Variants in SPTBN1 observed in about 807,000 individuals in gnomAD.
The protein encoded by SPTBN1 is spectrin beta chain, non-erythrocytic 1.
A neutral mutation model predicts 266.4 loss-of-function variants in SPTBN1; 32 were observed. The ratio of observed to expected loss-of-function variants is 0.12; its 90% CI spans 0.09 to 0.16. SPTBN1 has a LOEUF of 0.16. SPTBN1 is among the 10% of genes least tolerant of loss of function. SPTBN1 has a pLI of 1.00. For synonymous variants in SPTBN1, 1,336 were observed against 1,162.2 expected, an observed-to-expected ratio of 1.15 and a Z score of -3.04; for missense variants, 2,296 against 3,067.1, an observed-to-expected ratio of 0.75 and a Z score of 5.94.
intron 1 of SPTBN1, among the ~76,000 whole-genome samples, chr2:54,515,321 G>A (rs2104247882): frequency 6.6e-6 from 1 of 152,206 alleles, no homozygotes; most frequent in East Asian, 1.9e-4. Flanking sequence ...CAAAACTCTG[G>A]TCTGCTGCAC....
At chr2:54,492,129 T>C (rs904824506) in intron 1 of SPTBN1, among the ~76,000 whole-genome samples, 6 of 152,222 alleles carry the variant, frequency 3.9e-5, no homozygotes, top group Non-Finnish European at 7.3e-5. Context: ...AGAATATTCC[T>C]GTAATCCTAG....
intron 2 of SPTBN1, among the ~76,000 whole-genome samples, chr2:54,560,317 A>G (rs79154493): frequency 0.031 from 4,690 of 151,974 alleles, 175 homozygotes; most frequent in African/African-American, 0.082. Context: ...CCTGGGGGAA[A>G]GCACCCACCG....
At chr2:54,574,662 G>T (rs2104538884) in intron 2 of SPTBN1, among the ~76,000 whole-genome samples, 1 of 152,292 alleles carries the variant, frequency 6.6e-6, no homozygotes, top group African/African-American at 2.4e-5. Context: ...TCATGCTCAT[G>T]TCAGGCACGT....
chr2:54,668,397 C>G lies in SPTBN1; in HGVS notation c.6923C>G (p.Ser2308Cys). Residue 2308 changes from serine (S) to cysteine (C), a missense_variant, in exon 36 of 36, where the codon TCT becomes TGT. Physicochemically the swap from Ser to Cys is moderately radical, Grantham distance 112. Around this residue, in one of 12 missense-constraint regions of SPTBN1, gnomAD observed 347 missense variants for 368.5 expected, o/e 0.94. Coordinates refer to ENST00000356805, the MANE Select transcript of SPTBN1 (RefSeq NM_003128.3). ...CAGGCTATCTCTTCCGCCATCTCCT[C>G]TGATAAACACGAGGTGTCTGCCAGC... ...WIQAISSAISSDKHEVSASTQ... is the reference protein window; with the variant it reads ...WIQAISSAISCDKHEVSASTQ... 2 of 1,614,180 alleles carry G rather than the reference C, an allele frequency of 1.2e-6. No homozygotes were observed. The highest frequency in any genetic ancestry group is 1.7e-6 in the Non-Finnish European group (2 of 1,180,030).
intron 2 of SPTBN1, among the ~76,000 whole-genome samples, chr2:54,585,364 C>T (rs1168424496): frequency 6.6e-6 from 1 of 152,188 alleles, no homozygotes; most frequent in Non-Finnish European, 1.5e-5. Flanking sequence ...GCTACCCTGC[C>T]TGTTGGCTAG....
intron 2 of SPTBN1, among the ~76,000 whole-genome samples, chr2:54,580,665 A>G (rs1210230267): frequency 6.6e-6 from 1 of 152,092 alleles, no homozygotes; most frequent in East Asian, 1.9e-4. Context: ...TGGGAAACTT[A>G]CTGCTGGTAA....
At chr2:54,463,863 A>G (rs921226511) in intron 1 of SPTBN1, among the ~76,000 whole-genome samples, 16 of 152,204 alleles carry the variant, frequency 1.1e-4, no homozygotes, top group African/African-American at 3.4e-4. Flanking sequence ...TGATTTATAT[A>G]TATGTATTTT....
chr2:54,520,056 G>T (rs1319366794), intron 1 of SPTBN1, among the ~76,000 whole-genome samples: 1 of 152,196 alleles, frequency 6.6e-6, no homozygotes, highest in Non-Finnish European at 1.5e-5. Flanking sequence ...GCAGCTGTCA[G>T]CACCGGGTAA....
intron 2 of SPTBN1, among the ~76,000 whole-genome samples, chr2:54,549,786 T>G (rs1365761292): frequency 1.3e-5 from 2 of 151,840 alleles, no homozygotes; most frequent in Non-Finnish European, 2.9e-5. Flanking sequence ...ATGAATGGAC[T>G]TGGGACTAAA....
intron 2 of SPTBN1, among the ~76,000 whole-genome samples, chr2:54,588,103 C>A (rs6706263): frequency 6.6e-6 from 1 of 151,908 alleles, no homozygotes; most frequent in Non-Finnish European, 1.5e-5. Flanking sequence ...CCAGGACATG[C>A]CAAACTTTTT....
intron 1 of SPTBN1, among the ~76,000 whole-genome samples, chr2:54,477,594 C>T (rs1254154071): frequency 1.3e-5 from 2 of 152,084 alleles, no homozygotes; most frequent in Admixed American, 1.3e-4. Context: ...CCCACCCTAC[C>T]CTTTTCCTGC....
intron 4 of SPTBN1, among the ~76,000 whole-genome samples, chr2:54,614,494 T>C (rs766826101): frequency 2.6e-5 from 4 of 152,152 alleles, no homozygotes; most frequent in Non-Finnish European, 5.9e-5. Flanking sequence ...GATTTTATGA[T>C]GCTGCCCCTT....
chr2:54,636,792 T>C (rs902220034), intron 17 of SPTBN1, among the ~76,000 whole-genome samples: 3 of 152,224 alleles, frequency 2.0e-5, no homozygotes, highest in African/African-American at 4.8e-5. Context: ...ACCCTGAATA[T>C]AGACTGGCTT....
chr2:54,643,982 CAATAAT>C (rs56299899), intron 19 of SPTBN1, among the ~76,000 whole-genome samples: 69,383 of 149,636 alleles, frequency 0.46, 16,681 homozygotes, highest in Non-Finnish European at 0.52. Context: ...AATATAATAA[CAATAAT>C]AATAATAATA....
At chr2:54,625,741 C>T (rs1009031840) in intron 11 of SPTBN1, among the ~76,000 whole-genome samples, 191 bp from the exon 12 acceptor site, 2 of 152,100 alleles carry the variant, frequency 1.3e-5, no homozygotes, top group African/African-American at 4.8e-5. Flanking sequence ...CAGGCACGTG[C>T]CACCACGCCC....
rs190677494 is a variant in SPTBN1, at chr2:54,670,816, C to T, written c.*2247C>T. ...TCTTGGTGCATTTGATAAGGATCCA[C>T]TGAGGCCTGAATGTGGAAGATGATG... On this transcript the variant is annotated 3_prime_UTR_variant, in exon 36 of 36. Transcript: ENST00000356805. The T allele has an allele frequency of 6.2e-3, 2,467 of 398,542 alleles. 16 individuals are homozygous for T. The highest frequency in any genetic ancestry group is 0.02 in the South Asian group (159 of 7,860). 24.7% of individuals were successfully genotyped at this position (398,542 alleles called of 1,614,324 possible).
chr2:54,651,992 C>A (rs1345902876), intron 26 of SPTBN1, among the ~76,000 whole-genome samples: 11 of 152,138 alleles, frequency 7.2e-5, no homozygotes, highest in Admixed American at 7.2e-4. Flanking sequence ...ACAAGCCCTA[C>A]TGCTGTCCGT....
At chr2:54,521,413 A>G (rs567138196) in intron 1 of SPTBN1, among the ~76,000 whole-genome samples, 1 of 152,372 alleles carries the variant, frequency 6.6e-6, no homozygotes, top group East Asian at 1.9e-4. Context: ...TCTTTGGACA[A>G]AGGACATTGT....
intron 1 of SPTBN1, among the ~76,000 whole-genome samples, chr2:54,477,590 C>G (rs1027302524): frequency 6.6e-6 from 1 of 152,128 alleles, no homozygotes. Context: ...CAGCCCCACC[C>G]TACCCTTTTC....
Sources: allele counts gnomAD v4.1 joint callset (sites outside exome capture counted in the v4.1 genomes callset), GRCh38; gene constraint gnomAD v4.1.1; regional missense constraint gnomAD v4.1.1; transcripts MANE v1.5; gene names NCBI Gene and HGNC (gene_info 2026-07-23, HGNC 2026-07-21).